The following RPS12 variants were observed in gnomAD, a reference collection of about 807,000 sequenced individuals.
RPS12 encodes small ribosomal subunit protein eS12.
In RPS12, 1 loss-of-function variant was observed where a neutral mutation model predicts 17.2. That is an observed-to-expected ratio of 0.06 (90% confidence interval 0.02 to 0.28). RPS12 has a LOEUF of 0.28. Ranked by LOEUF, RPS12 falls within the 10% of genes least tolerant of loss-of-function variation. The pLI, the probability that RPS12 is intolerant of heterozygous loss-of-function variation, is 1.00. For missense variants in RPS12, 146 were observed against 162.1 expected (o/e 0.90, Z 0.54); for synonymous variants, 67 against 54.0 (o/e 1.24, Z -1.06).
At chr6:132,815,128 G>A in intron 3 of RPS12, 40 bp downstream of exon 3, 2 of 1,279,972 alleles carry the variant, frequency 1.6e-6, no homozygotes, top group Non-Finnish European at 2.3e-6. Flanking sequence ...TCTTGCAACC[G>A]GAACAAAACT....
intron 2 of RPS12, 29 bp from the exon 3 acceptor site, chr6:132,814,943 A>T: frequency 6.6e-7 from 1 of 1,506,370 alleles, no homozygotes; most frequent in African/African-American, 1.4e-5. Context: ...GAGGATTTTA[A>T]CTGATGGTTC....
At position 132,816,795 on chromosome 6, in the gene RPS12, T is replaced by C. The variant is rs1238451376; in HGVS notation, c.235-165T>C. ...AGATTAGTAGCAGGCTTGTAGGTGA[T>C]CTTAGTGCTGTACATGATGACAACT... On this transcript the variant is annotated intron_variant, in intron 4 of 5. Coordinates refer to ENST00000230050, the MANE Select transcript of RPS12 (RefSeq NM_001016.4). The C allele has an allele frequency of 6.5e-6, 5 of 770,858 alleles. No homozygotes were observed. The South Asian group carries it at 6.8e-5, about 10-fold the overall frequency. 47.8% of individuals were successfully genotyped at this position (770,858 alleles called of 1,614,324 possible).
chr6:132,814,636 G>A, intron 1 of RPS12, 23 bp downstream of exon 1: 5 of 1,073,184 alleles, frequency 4.7e-6, no homozygotes, highest in Non-Finnish European at 7.2e-6. Context: ...AGGCGGCAGG[G>A]GGGTGTATTG....
chr6:132,815,095 G>A lies in RPS12; in HGVS notation c.131+7G>A, dbSNP rs746636079. 8.3e-6 allele frequency: 13 copies of A among 1,568,290 alleles called. No individual in the cohort carries two copies. The highest frequency in any genetic ancestry group is 1.1e-5 in the Non-Finnish European group (12 of 1,138,438). On this transcript the variant is annotated splice_region_variant and intron_variant, in intron 3 of 5. Transcript: ENST00000230050. ...CTGCCAAAGCCTTAGACAAGTACGT[G>A]TATCAGTCTCAATACTGTGGGTTCT...
chr6:132,814,800 G>A lies in RPS12; in HGVS notation c.14+18G>A, dbSNP rs778260299. The A allele has an allele frequency of 6.2e-7, 1 of 1,611,050 alleles. No individual in the cohort carries two copies. Among genetic ancestry groups the A allele is most frequent in the Admixed American group, 1.7e-5 (1 of 59,940 alleles). ...GAGGAAGGGTGAGCCCAGGGGCCGG[G>A]GTTGGAGTTGGGGTCGGGGTGCGGC... On this transcript the variant is annotated intron_variant, in intron 2 of 5. Transcript: ENST00000230050.
intron 4 of RPS12, 50 bp downstream of exon 4, chr6:132,816,613 T>A: frequency 8.2e-7 from 1 of 1,221,234 alleles, no homozygotes; most frequent in Non-Finnish European, 1.2e-6. Context: ...GATGCTTGTA[T>A]ATGGGGGTAA....
rs773427198 is a variant in RPS12 at position 132,815,103 on chromosome 6, C to G, written c.131+15C>G. Reference sequence around the variant, plus strand: ...GCCTTAGACAAGTACGTGTATCAGTCTCAATACTGTGGGTTCTTGCAACCG... The same window carrying G: ...GCCTTAGACAAGTACGTGTATCAGTGTCAATACTGTGGGTTCTTGCAACCG... On this transcript the variant is annotated intron_variant, in intron 3 of 5. Transcript: ENST00000230050. The G allele has an allele frequency of 1.3e-6, 2 of 1,510,026 alleles. No homozygotes were observed. Among genetic ancestry groups the G allele is most frequent in the Non-Finnish European group, 1.8e-6 (2 of 1,085,712 alleles). 93.5% of individuals were successfully genotyped at this position (1,510,026 alleles called of 1,614,324 possible).
At chr6:132,814,639 G>C (rs895893294) in intron 1 of RPS12, 26 bp downstream of exon 1, 2 of 1,088,536 alleles carry the variant, frequency 1.8e-6, no homozygotes, top group Non-Finnish European at 2.8e-6. Context: ...CGGCAGGGGG[G>C]TGTATTGGTT....
intron 3 of RPS12, chr6:132,815,959 G>A (rs760656773): frequency 1.4e-4 from 64 of 453,016 alleles, no homozygotes; most frequent in Middle Eastern, 1.2e-3. Context: ...TGCCTCCCGA[G>A]TAGATGGAAT....
chr6:132,815,803 A>T, intron 3 of RPS12: 1 of 452,454 alleles, frequency 2.2e-6, no homozygotes, highest in African/African-American at 2.0e-5. Context: ...ATGGCATTTC[A>T]TAACTGTTCC....
In RPS12 at chr6:132,814,953, C is replaced by G. The variant is rs200124189; in HGVS notation, c.15-19C>G. On this transcript the variant is annotated intron_variant, in intron 2 of 5. Transcript: ENST00000230050. ...GGTGTGAGGATTTTAACTGATGGTT[C>G]TGATGTGTCGCGTTTAAGCATTGCT... is the stretch of plus-strand genomic sequence containing the variant. 5 of 1,537,004 alleles carry G rather than the reference C, an allele frequency of 3.3e-6. No homozygotes were observed. The highest frequency in any genetic ancestry group is 1.7e-5 in the Admixed American group (1 of 59,898).
intron 3 of RPS12, chr6:132,815,757 T>A (rs1008170858): frequency 2.2e-6 from 1 of 456,734 alleles, no homozygotes; most frequent in African/African-American, 2.0e-5. Flanking sequence ...TAGGTCCTAG[T>A]ATGAGTCTTC....
intron 4 of RPS12, 37 bp from the exon 5 acceptor site, chr6:132,816,923 A>G (rs1343317010): frequency 3.1e-6 from 4 of 1,272,230 alleles, no homozygotes; most frequent in Non-Finnish European, 4.5e-6. Flanking sequence ...ATGTCTATTA[A>G]TGTGATTTTT....
intron 3 of RPS12, chr6:132,816,011 C>G (rs74196578): frequency 4.7e-6 from 2 of 425,476 alleles, no homozygotes; most frequent in African/African-American, 4.1e-5. Flanking sequence ...TTTGTACTTT[C>G]AGTAGAAACG....
chr6:132,815,849 T>C (rs908831842), intron 3 of RPS12: 2 of 429,652 alleles, frequency 4.7e-6, no homozygotes, highest in East Asian at 1.4e-4. Flanking sequence ...CTTTTTTCTT[T>C]TTTTTTTTTG....
At position 132,814,728 on chromosome 6, in the gene RPS12, T is replaced by A. The variant is rs748675026; in HGVS notation, c.-37-4T>A. The A allele has an allele frequency of 6.2e-7, 1 of 1,609,736 alleles. No individual in the cohort carries two copies. The highest frequency in any genetic ancestry group is 1.1e-5 in the South Asian group (1 of 90,928). On this transcript the variant is annotated splice_polypyrimidine_tract_variant and splice_region_variant and intron_variant, in intron 1 of 5. Coordinates refer to ENST00000230050, the MANE Select transcript of RPS12 (RefSeq NM_001016.4). ...TTTAACAAGTCAATGCTTTTGTTTT[T>A]TAGTGCGTTCAAGATTCAACTTCAC...
intron 3 of RPS12, chr6:132,816,083 C>A (rs1782052963): frequency 2.7e-6 from 1 of 371,234 alleles, no homozygotes; most frequent in Non-Finnish European, 5.3e-6. Context: ...ATCTGCCCCC[C>A]TCGTCTTCCC....
At chr6:132,815,425 G>A (rs1284671006) in intron 3 of RPS12, 3 of 522,204 alleles carry the variant, frequency 5.7e-6, no homozygotes, top group East Asian at 1.0e-4. Context: ...CTGGCAGATA[G>A]ATGAGATGGA....
At chr6:132,815,691 G>A (rs1333812139) in intron 3 of RPS12, 1 of 456,484 alleles carries the variant, frequency 2.2e-6, no homozygotes, top group Non-Finnish European at 4.4e-6. Flanking sequence ...GTTCGTTTTG[G>A]TGTAATCTAG....
Sources: gnomAD v4.1 joint callset for allele counts on GRCh38, gnomAD v4.1.1 for gene constraint, MANE v1.5 for transcripts, NCBI Gene and HGNC (gene_info 2026-07-23, HGNC 2026-07-21) for gene names.